The following DNAJC14 variants were observed in gnomAD, a reference collection of about 807,000 sequenced individuals.
DNAJC14 encodes the protein dnaJ homolog subfamily C member 14.
DNAJC14 carries 12 observed loss-of-function variants against 68.8 expected under a neutral mutation model. The ratio of observed to expected loss-of-function variants is 0.17; its 90% CI spans 0.11 to 0.28. The LOEUF is 0.28. Among genes scored for constraint, DNAJC14 ranks in the 10% least tolerant of loss-of-function variants. DNAJC14 has a pLI of 1.00. For missense variants in DNAJC14, 764 were observed against 875.6 expected, an observed-to-expected ratio of 0.87 and a Z score of 1.61; for synonymous variants, 350 against 321.5, an observed-to-expected ratio of 1.09 and a Z score of -0.95.
At chr12:55,823,380 T>C in intron 3 of DNAJC14, 22 bp downstream of exon 3, 1 of 1,612,888 alleles carries the variant, frequency 6.2e-7, no homozygotes, top group Non-Finnish European at 8.5e-7. Flanking sequence ...CATTATCTGA[T>C]GATTTCCCAT....
At chr12:55,829,112 C>G in intron 1 of DNAJC14, 1 of 988,820 alleles carries the variant, frequency 1.0e-6, no homozygotes, top group African/African-American at 1.7e-5. Context: ...CTTAGGGCTG[C>G]CCCTAAGAAA....
rs1188419195 is a variant in DNAJC14 at position 55,827,364 on chromosome 12, A to G, written c.1295T>C (p.Leu432Ser). 1.2e-6 allele frequency: 2 copies of G among 1,613,836 alleles called. No individual in the cohort carries two copies. Among genetic ancestry groups the G allele is most frequent in the South Asian group, 1.1e-5 (1 of 91,040 alleles). ...CQPEEEVARLLTMAGVPEDEL... is the reference protein window; with the variant it reads ...CQPEEEVARLSTMAGVPEDEL... The stretch of plus-strand genomic sequence containing the variant: ...ATCCTCAGGAACCCCAGCCATGGTC[A>G]AGAGTCGAGCCACTTCCTCTTCAGG... Residue 432 changes from leucine to serine, a missense_variant, in exon 2 of 7, where the codon TTG becomes TCG. Physicochemically the swap from Leu to Ser is moderately radical, Grantham distance 145. Around this residue, in one of 4 missense-constraint regions of DNAJC14, gnomAD observed 110 missense variants for 162.7 expected, o/e 0.68. Coordinates refer to ENST00000678005, the MANE Select transcript of DNAJC14 (RefSeq NM_032364.6).
intron 1 of DNAJC14, chr12:55,829,125 C>CT (rs1285268446): frequency 1.0e-6 from 1 of 987,806 alleles, no homozygotes; most frequent in Admixed American, 6.0e-5. Context: ...CTAAGAAAGA[C>CT]TAACAGGGAA....
chr12:55,823,981 G>C (rs1224979349), intron 2 of DNAJC14, among the ~76,000 whole-genome samples: 1 of 151,536 alleles, frequency 6.6e-6, no homozygotes, highest in Non-Finnish European at 1.5e-5. Context: ...TGGGATTACA[G>C]GCGTGTGCCA....
rs1020465033 is a variant in DNAJC14, at chr12:55,829,553, G to A, written c.-121C>T. 3.0e-6 allele frequency: 3 copies of A among 985,060 alleles called. No homozygotes were observed. Among genetic ancestry groups the A allele is most frequent in the African/African-American group, 3.5e-5 (2 of 57,130 alleles). The allele number at this position is 985,060 out of a possible 1,614,324, so 61.0% of individuals were successfully genotyped here. On this transcript the variant is annotated 5_prime_UTR_variant, in exon 1 of 7. Coordinates refer to ENST00000678005, the MANE Select transcript of DNAJC14 (RefSeq NM_032364.6). ...CCTGGGGCCAGGGTGAGCTACGAGAGCCGCTCTCCCGGCTCCGCCTCCCGC... is the reference window on the plus strand; with the variant it reads ...CCTGGGGCCAGGGTGAGCTACGAGAACCGCTCTCCCGGCTCCGCCTCCCGC...
At chr12:55,826,507 G>A (rs1880798430) in intron 2 of DNAJC14, among the ~76,000 whole-genome samples, 1 of 151,890 alleles carries the variant, frequency 6.6e-6, no homozygotes, top group Non-Finnish European at 1.5e-5. Flanking sequence ...TCTTTCCTAA[G>A]ACTATGTTAA....
Position 55,822,115 on chromosome 12 carries a change from C to T in DNAJC14, c.1971G>A (p.Gln657=). 1.9e-6 allele frequency: 3 copies of T among 1,613,534 alleles called. No individual in the cohort carries two copies. The highest frequency in any genetic ancestry group is 2.5e-6 in the Non-Finnish European group (3 of 1,179,782). Reference sequence around the variant, plus strand: ...CTGCAAAGAAGTTCCCATTGGGCATCTGCCCTGGGGGTACTTGAAAGATCC... The same window carrying T: ...CTGCAAAGAAGTTCCCATTGGGCATTTGCCCTGGGGGTACTTGAAAGATCC... ...LSRIFQVPPG[Q]MPNGNFFAAP... is the part of the protein sequence containing the mutation. Residue 657 remains glutamine (Q), a synonymous_variant, in exon 7 of 7, where the codon CAG becomes CAA. Transcript: ENST00000678005.
At chr12:55,829,169 G>A (rs1880893110) in intron 1 of DNAJC14, 6 of 985,970 alleles carry the variant, frequency 6.1e-6, no homozygotes, top group East Asian at 2.3e-4. Context: ...GAAGGTGGCC[G>A]GGCACCGTGG....
rs1456729735 is a variant in DNAJC14, at chr12:55,827,486, T to G, written c.1173A>C (p.Val391=). The G allele has an allele frequency of 1.3e-4, 201 of 1,603,362 alleles. No individual in the cohort carries two copies. The highest frequency in any genetic ancestry group is 1.7e-4 in the Non-Finnish European group (198 of 1,171,334). The part of the protein sequence containing the change: ...LRDSRPWQRL[V]RIVQWGWLEL... ...CCAGCCAGCCCCACTGAACTATTCT[T>G]ACCAGCCGCTGCCATGGCCTGCTAT... is the stretch of plus-strand genomic sequence containing the variant. The change falls in exon 2 of 7, where the codon GTA becomes GTC. Residue 391 remains valine, a synonymous_variant. Transcript: ENST00000678005.
In DNAJC14 at chr12:55,827,491, G is replaced by A. The variant is rs1880828337; in HGVS notation, c.1168C>T (p.Leu390=). The A allele has an allele frequency of 6.2e-7, 1 of 1,603,036 alleles. No individual in the cohort carries two copies. Among genetic ancestry groups the A allele is most frequent in the Non-Finnish European group, 8.5e-7 (1 of 1,170,972 alleles). Residue 390 remains leucine (L), a synonymous_variant, in exon 2 of 7, where the codon CTG becomes TTG. Transcript: ENST00000678005. ...LLRDSRPWQR[L]VRIVQWGWLE... ...CAGCCCCACTGAACTATTCTTACCAGCCGCTGCCATGGCCTGCTATCTCTC... is the reference window on the plus strand; with the variant it reads ...CAGCCCCACTGAACTATTCTTACCAACCGCTGCCATGGCCTGCTATCTCTC...
At chr12:55,823,336 C>T (rs1880718821) in intron 3 of DNAJC14, 66 bp downstream of exon 3, 1 of 1,601,386 alleles carries the variant, frequency 6.2e-7, no homozygotes, top group Non-Finnish European at 8.6e-7. Flanking sequence ...CCCCCAAGTC[C>T]AGATGCCTCT....
rs1880710659 is a variant in DNAJC14 at position 55,823,050 on chromosome 12, C to G, written c.1634+20G>C. The G allele has an allele frequency of 6.2e-7, 1 of 1,612,642 alleles. No homozygotes were observed. The highest frequency in any genetic ancestry group is 1.3e-5 in the African/African-American group (1 of 74,890). On this transcript the variant is annotated intron_variant, in intron 4 of 6. Coordinates refer to ENST00000678005, the MANE Select transcript of DNAJC14 (RefSeq NM_032364.6). ...ATCCCTGAGCTGTGATTGTCCCATC[C>G]CTCTCCTTCTATTTCATACCTATGC...
chr12:55,827,769 C>T lies in DNAJC14; in HGVS notation c.890G>A (p.Arg297Gln), dbSNP rs758623728. ...FRVWMGVWTG[R>Q]LGGWAQVMFQ... is the part of the protein sequence containing the mutation. ...CATGACCTGGGCCCAGCCCCCTAAC[C>T]GCCCTGTCCACACTCCCATCCAAAC... The change falls in exon 2 of 7, where the codon CGG (arginine) becomes CAG (glutamine). Residue 297 changes from arginine (R) to glutamine (Q), a missense_variant. Arg to Gln is a conservative substitution (Grantham distance 43). Transcript: ENST00000678005. 8 of 1,613,840 alleles carry T rather than the reference C, an allele frequency of 5.0e-6. No homozygotes were observed. The East Asian group carries it at 8.9e-5, about 18-fold the overall frequency.
intron 1 of DNAJC14, chr12:55,829,250 G>C: frequency 1.1e-6 from 1 of 901,198 alleles, no homozygotes; most frequent in African/African-American, 1.8e-5. Context: ...TTCGAGACCA[G>C]CCTGGCCAAC....
Position 55,827,601 on chromosome 12 carries a change from C to A in DNAJC14, c.1058G>T (p.Gly353Val), listed in dbSNP as rs766461626. Residue 353 changes from glycine to valine, a missense_variant, in exon 2 of 7, where the codon GGT (glycine) becomes GTT (valine). By Grantham distance (109) the Gly-to-Val change is moderately radical. Transcript: ENST00000678005. Reference protein sequence around the residue: ...QLGWRFLVGLGDRLGWRDKAT... With the variant: ...QLGWRFLVGLVDRLGWRDKAT... ...CTTATCCCTCCAGCCTAACCGGTCA[C>A]CTAGTCCCACCAGAAACCGCCATCC... 4.4e-5 allele frequency: 70 copies of A among 1,607,800 alleles called. No homozygotes were observed. In the South Asian group the frequency reaches 7.4e-4, roughly 17 times the overall value.
chr12:55,825,451 A>T (rs1880767986), intron 2 of DNAJC14, among the ~76,000 whole-genome samples: 1 of 151,936 alleles, frequency 6.6e-6, no homozygotes. Flanking sequence ...TATCAACCTA[A>T]TATCTACTTC....
At chr12:55,823,687 A>G (rs979115027) in intron 2 of DNAJC14, among the ~76,000 whole-genome samples, 179 bp from the exon 3 acceptor site, 1 of 146,782 alleles carries the variant, frequency 6.8e-6, no homozygotes, top group Non-Finnish European at 1.5e-5. Context: ...AATTAGCTAC[A>G]TTACCTTGAA....
chr12:55,826,808 A>C (rs1880807579), intron 2 of DNAJC14, among the ~76,000 whole-genome samples: 1 of 151,438 alleles, frequency 6.6e-6, no homozygotes, highest in Admixed American at 6.6e-5. Context: ...CAAGAAAAAA[A>C]AAAAAAGAAG....
intron 3 of DNAJC14, 22 bp from the exon 4 acceptor site, chr12:55,823,211 A>C (rs756380357): frequency 1.2e-6 from 2 of 1,614,010 alleles, no homozygotes; most frequent in Non-Finnish European, 1.7e-6. Flanking sequence ...AATGCTTTGT[A>C]AGTCAGAAGG....
Sources: allele counts gnomAD v4.1 joint callset (sites outside exome capture counted in the v4.1 genomes callset), GRCh38; gene constraint gnomAD v4.1.1; regional missense constraint gnomAD v4.1.1; transcripts MANE v1.5; gene names NCBI Gene and HGNC (gene_info 2026-07-23, HGNC 2026-07-21).